Variants in PKNOX2 observed in about 807,000 individuals in gnomAD.
PKNOX2 encodes the protein PBX/knotted 1 homeobox 2.
In PKNOX2, 14 loss-of-function variants were observed where a neutral mutation model predicts 53.1. The ratio of observed to expected loss-of-function variants is 0.26; its 90% CI spans 0.17 to 0.41. The LOEUF (loss-of-function observed/expected upper bound fraction) is 0.41, where lower values mean the gene tolerates loss of function less well. Ranked by LOEUF, PKNOX2 falls within the 10% of genes least tolerant of loss-of-function variation. The probability of loss-of-function intolerance (pLI) is 1.00; values close to 1 mark genes in which losing one functional copy is unlikely to be tolerated. For missense variants in PKNOX2, 496 were observed against 602.8 expected (o/e 0.82, Z 1.85); for synonymous variants, 257 against 242.8 (o/e 1.06, Z -0.54).
chr11:125,221,271 C>A (rs910763075), intron 1 of PKNOX2, among the ~76,000 whole-genome samples: 3 of 152,164 alleles, frequency 2.0e-5, no homozygotes, highest in Non-Finnish European at 4.4e-5. Flanking sequence ...GACTAGGGTC[C>A]ACCCAGGGGC....
chr11:125,380,302 T>C (rs929049600), intron 5 of PKNOX2, among the ~76,000 whole-genome samples: 2 of 152,210 alleles, frequency 1.3e-5, no homozygotes, highest in African/African-American at 4.8e-5. Context: ...TTCACTCCTT[T>C]TATTTGTTCT....
chr11:125,296,836 A>G (rs764825057), intron 2 of PKNOX2, among the ~76,000 whole-genome samples: 5 of 152,250 alleles, frequency 3.3e-5, no homozygotes, highest in Non-Finnish European at 5.9e-5. Context: ...GGGTTTCACC[A>G]TGTTAGCCAG....
At chr11:125,305,968 T>C (rs1332769580) in intron 2 of PKNOX2, among the ~76,000 whole-genome samples, 2 of 152,200 alleles carry the variant, frequency 1.3e-5, no homozygotes, top group African/African-American at 4.8e-5. Context: ...AAGCCAGGTG[T>C]AAAATACTGC....
chr11:125,385,520 G>A (rs1447610300), intron 5 of PKNOX2, 31 bp from the exon 6 acceptor site: 1 of 1,584,416 alleles, frequency 6.3e-7, no homozygotes, highest in South Asian at 1.2e-5. Flanking sequence ...CTCTGTGTGT[G>A]CGCATGTGTG....
intron 2 of PKNOX2, among the ~76,000 whole-genome samples, chr11:125,283,014 T>A (rs1445752598): frequency 6.6e-6 from 1 of 151,980 alleles, no homozygotes; most frequent in Non-Finnish European, 1.5e-5. Flanking sequence ...TAGCCAGGTG[T>A]GGTGGCATGT....
chr11:125,276,034 A>G (rs1202712891), intron 2 of PKNOX2, among the ~76,000 whole-genome samples: 3 of 152,182 alleles, frequency 2.0e-5, no homozygotes, highest in African/African-American at 7.2e-5. Flanking sequence ...CTTGCGAAAT[A>G]CGGGAAAAAC....
chr11:125,405,537 G>A (rs547227789), intron 7 of PKNOX2, among the ~76,000 whole-genome samples: 40 of 152,300 alleles, frequency 2.6e-4, no homozygotes, highest in South Asian at 1.7e-3. Context: ...GCTTCTCATC[G>A]TTTCTTAGTA....
intron 11 of PKNOX2, 67 bp downstream of exon 11, chr11:125,429,155 T>A: frequency 6.9e-7 from 1 of 1,455,954 alleles, no homozygotes; most frequent in Non-Finnish European, 9.6e-7. Flanking sequence ...GGGGAATGCG[T>A]AGCAGGGAAA....
intron 1 of PKNOX2, among the ~76,000 whole-genome samples, chr11:125,186,917 T>C (rs186439032): frequency 4.4e-4 from 67 of 152,348 alleles, no homozygotes; most frequent in Middle Eastern, 6.8e-3. Context: ...TCCAACTTTA[T>C]TCTTTTGCGT....
chr11:125,205,219 A>G (rs1199725794), intron 1 of PKNOX2, among the ~76,000 whole-genome samples: 1 of 152,102 alleles, frequency 6.6e-6, no homozygotes, highest in Non-Finnish European at 1.5e-5. Flanking sequence ...TATTTTGCTT[A>G]TGTGTGTGGT....
chr11:125,269,964 T>G (rs1945664450), intron 2 of PKNOX2, among the ~76,000 whole-genome samples: 1 of 152,200 alleles, frequency 6.6e-6, no homozygotes. Context: ...GGTGTTGTTG[T>G]GGGCACTGGA....
intron 2 of PKNOX2, among the ~76,000 whole-genome samples, chr11:125,309,490 C>T (rs772906336): frequency 2.6e-5 from 4 of 151,068 alleles, no homozygotes; most frequent in East Asian, 1.9e-4. Context: ...CAGGTTCAAA[C>T]GATTCTCCCA....
Position 125,351,349 on chromosome 11 carries a change from C to G in PKNOX2, c.44C>G (p.Ala15Gly), listed in dbSNP as rs1705432130. ...ASPAPALTMM[A>G]TQNVPPPPYQ... ...CCAGCCCCCGCTCTGACGATGATGG[C>G]CACGCAGAATGTCCCGCCCCCACCC... Residue 15 changes from alanine (A) to glycine (G), a missense_variant, in exon 4 of 13, where the codon GCC becomes GGC. By Grantham distance (60) the Ala-to-Gly change is moderately conservative (BLOSUM62 0). Coordinates refer to ENST00000298282, the MANE Select transcript of PKNOX2 (RefSeq NM_001382323.2). 2 of 1,610,356 alleles carry G rather than the reference C, an allele frequency of 1.2e-6. No individual in the cohort carries two copies. The highest frequency in any genetic ancestry group is 4.5e-5 in the East Asian group (2 of 44,740).
At chr11:125,215,333 G>A (rs1940373982) in intron 1 of PKNOX2, among the ~76,000 whole-genome samples, 1 of 152,074 alleles carries the variant, frequency 6.6e-6, no homozygotes, top group Non-Finnish European at 1.5e-5. Context: ...CACTGTGTGT[G>A]TCACAGTTCC....
chr11:125,412,734 C>T (rs1955638109), intron 10 of PKNOX2, among the ~76,000 whole-genome samples: 1 of 152,110 alleles, frequency 6.6e-6, no homozygotes, highest in Non-Finnish European at 1.5e-5. Context: ...TCAGGACAGA[C>T]AGACACAGAT....
At chr11:125,230,198 A>C (rs1358527628) in intron 1 of PKNOX2, among the ~76,000 whole-genome samples, 1 of 152,206 alleles carries the variant, frequency 6.6e-6, no homozygotes, top group African/African-American at 2.4e-5. Flanking sequence ...GGCTTTGAGG[A>C]AGGCCGTGCA....
intron 1 of PKNOX2, among the ~76,000 whole-genome samples, chr11:125,226,837 T>C (rs952268853): frequency 4.6e-5 from 7 of 151,630 alleles, no homozygotes; most frequent in Non-Finnish European, 1.0e-4. Context: ...TGGAGTTGCC[T>C]TCCCTGTTGC....
At chr11:125,403,642 G>T (rs1049515021) in intron 7 of PKNOX2, among the ~76,000 whole-genome samples, 8 of 152,198 alleles carry the variant, frequency 5.3e-5, no homozygotes, top group African/African-American at 1.9e-4. Context: ...CTACTCCAGA[G>T]CCCATGTTCT....
intron 1 of PKNOX2, among the ~76,000 whole-genome samples, chr11:125,191,932 T>C (rs183108513): frequency 3.3e-4 from 51 of 152,280 alleles, no homozygotes; most frequent in Non-Finnish European, 6.6e-4. Context: ...ACTGCTCCAG[T>C]GTGGTGCTTC....
Sources: gnomAD v4.1 joint callset for allele counts (sites outside exome capture counted in the v4.1 genomes callset) on GRCh38, gnomAD v4.1.1 for gene constraint, MANE v1.5 for transcripts, NCBI Gene and HGNC (gene_info 2026-07-23, HGNC 2026-07-21) for gene names.